RBM43: variants seen among roughly 807,000 people sequenced by gnomAD.
The protein encoded by RBM43 is RNA-binding protein 43.
Under a neutral mutation model 12.4 loss-of-function variants are expected in RBM43, and 12 were observed. That is an observed-to-expected ratio of 0.97 (90% CI 0.62 to 1.57). RBM43 has a LOEUF of 1.57. Ranked by LOEUF, RBM43 falls within the 40% of genes most tolerant of loss-of-function variation. The probability of loss-of-function intolerance (pLI) is 0.00; values close to 1 mark genes in which losing one functional copy is unlikely to be tolerated. For missense variants in RBM43, 348 were observed against 400.1 expected (o/e 0.87, Z 1.11); for synonymous variants, 138 against 145.7 (o/e 0.95, Z 0.38).
Position 151,249,369 on chromosome 2 carries a change from CTTTCTTTT to C in RBM43, c.*1529_*1536del, listed in dbSNP as rs1262503280. On this transcript the variant is annotated 3_prime_UTR_variant, in exon 4 of 4. Transcript: ENST00000331426. ...TAAAACTAAGAATGTTACTTGTGGTCTTTCTTTTTTTTTTTTTTTTTTTTTTGAGACGG... is the reference window on the plus strand; with the variant it reads ...TAAAACTAAGAATGTTACTTGTGGTCTTTTTTTTTTTTTTTTTTGAGACGG... The C allele has an allele frequency of 1.1e-4, 13 of 123,308 alleles. No individual in the cohort carries two copies. Among genetic ancestry groups the C allele is most frequent in the Admixed American group, 4.2e-4 (4 of 9,580 alleles). The allele number at this position is 123,308 out of a possible 1,614,324, so 7.6% of individuals were successfully genotyped here. A position where few individuals can be genotyped will look rare whatever the true frequency, so the allele number is the denominator to read the frequency against.
chr2:151,261,494 C>T (rs773908772), intron 1 of RBM43: 37 of 1,550,098 alleles, frequency 2.4e-5, no homozygotes, highest in Non-Finnish European at 2.9e-5. Flanking sequence ...ATTTCAGGAG[C>T]GCGCAATGCC....
intron 3 of RBM43, 40 bp downstream of exon 3, chr2:151,252,715 G>A (rs1209506739): frequency 1.9e-6 from 2 of 1,073,372 alleles, no homozygotes; most frequent in Non-Finnish European, 2.8e-6. Flanking sequence ...AAAGAAATGG[G>A]ATACAGGACT....
At chr2:151,259,758 TA>T in intron 1 of RBM43, among the ~76,000 whole-genome samples, 1 of 152,290 alleles carries the variant, frequency 6.6e-6, no homozygotes, top group Admixed American at 6.5e-5. Flanking sequence ...AAAAAAGGCA[TA>T]AAGAAAAACT....
At position 151,250,668 on chromosome 2, in the gene RBM43, C is replaced by A; in HGVS notation, c.*238G>T. The A allele has an allele frequency of 2.8e-6, 1 of 361,960 alleles. No individual in the cohort carries two copies. The highest frequency in any genetic ancestry group is 4.9e-6 in the Non-Finnish European group (1 of 202,544). 22.4% of individuals were successfully genotyped at this position (361,960 alleles called of 1,614,324 possible). A position where few individuals can be genotyped will look rare whatever the true frequency, so the allele number is the denominator to read the frequency against. On this transcript the variant is annotated 3_prime_UTR_variant, in exon 4 of 4. Coordinates refer to ENST00000331426, the MANE Select transcript of RBM43 (RefSeq NM_198557.3). ...ATTCCTTAGATATTATCTGTGTAATCAGATAGACTGGGCTAAGCCACAGCC... is the reference window on the plus strand; with the variant it reads ...ATTCCTTAGATATTATCTGTGTAATAAGATAGACTGGGCTAAGCCACAGCC...
At chr2:151,256,561 G>T (rs1180937004) in intron 1 of RBM43, among the ~76,000 whole-genome samples, 1 of 152,126 alleles carries the variant, frequency 6.6e-6, no homozygotes. Flanking sequence ...GCTCACACCT[G>T]TAATCCCAGC....
intron 1 of RBM43, among the ~76,000 whole-genome samples, chr2:151,258,464 G>C (rs1342334389): frequency 6.6e-6 from 1 of 152,018 alleles, no homozygotes; most frequent in East Asian, 1.9e-4. Flanking sequence ...GGGAGGTCAA[G>C]GTGGGCGGAT....
At chr2:151,257,808 G>A (rs999719952) in intron 1 of RBM43, among the ~76,000 whole-genome samples, 20 of 151,188 alleles carry the variant, frequency 1.3e-4, no homozygotes, top group African/African-American at 2.2e-4. Flanking sequence ...GGTGGCTCAC[G>A]CCTGTAATCC....
chr2:151,255,902 C>T (rs1682966272), intron 1 of RBM43, among the ~76,000 whole-genome samples, 159 bp from the exon 2 acceptor site: 1 of 152,184 alleles, frequency 6.6e-6, no homozygotes, highest in Admixed American at 6.5e-5. Flanking sequence ...ATCCTTGCCT[C>T]ACACCATATA....
In RBM43 at chr2:151,258,651, G is replaced by A. The variant is rs532038573; in HGVS notation, c.4-2908C>T. Reference sequence around the variant, plus strand: ...AGGAGATCGAGGCTGCAGTGAGCCAGGATGGCACCACTGCACTCCAGCCTG... The same window carrying A: ...AGGAGATCGAGGCTGCAGTGAGCCAAGATGGCACCACTGCACTCCAGCCTG... On this transcript the variant is annotated intron_variant, in intron 1 of 3. Coordinates refer to ENST00000331426, the MANE Select transcript of RBM43 (RefSeq NM_198557.3). Among the ~76,000 whole-genome samples the A allele has an allele frequency of 3.1e-3, 473 of 152,154 alleles. 3 individuals are homozygous for A. The highest frequency in any genetic ancestry group is 0.011 in the African/African-American group (453 of 41,508).
chr2:151,251,116 G>C lies in RBM43; in HGVS notation c.864C>G (p.Tyr288Ter). The change falls in exon 4 of 4, where the codon TAC (tyrosine) becomes TAG (stop). Residue 288 changes from tyrosine (Y) to a stop codon, truncating the protein, a stop_gained. Coordinates refer to ENST00000331426, the MANE Select transcript of RBM43 (RefSeq NM_198557.3). LOFTEE classifies it low-confidence loss of function (END_TRUNC). ...TAAATGTCTCTTTTCTAAGCTTTAA[G>C]TAAAGAGCATGTGACCATTCCTCAA... Reference protein sequence around the residue: ...ELIEEWSHALYLKLRKETFIL... With the variant: ...ELIEEWSHAL 1 of 1,613,362 alleles carries C rather than the reference G, an allele frequency of 6.2e-7. No homozygotes were observed.
intron 1 of RBM43, among the ~76,000 whole-genome samples, chr2:151,257,048 T>C (rs1682984121): frequency 6.6e-6 from 1 of 152,200 alleles, no homozygotes; most frequent in Non-Finnish European, 1.5e-5. Context: ...TTAAATGCTT[T>C]AATTTGTCCC....
rs1682894843 is a variant in RBM43 at position 151,251,075 on chromosome 2, T to C, written c.905A>G (p.Glu302Gly). 6.2e-7 allele frequency: 1 copy of C among 1,613,912 alleles called. No homozygotes were observed. The highest frequency in any genetic ancestry group is 1.3e-5 in the African/African-American group (1 of 74,922). The change falls in exon 4 of 4, where the codon GAA becomes GGA. Residue 302 changes from glutamate (E) to glycine (G), a missense_variant. By Grantham distance (98) the Glu-to-Gly change is moderately conservative. Transcript: ENST00000331426. ...TTTGATCATTCTTTTCTCTCTATTTTCCTTTCCTTCCAAAATAAATGTCTC... is the reference window on the plus strand; with the variant it reads ...TTTGATCATTCTTTTCTCTCTATTTCCCTTTCCTTCCAAAATAAATGTCTC... The part of the protein sequence containing the change: ...RKETFILEGK[E>G]NREKRMIKRA...
intron 2 of RBM43, among the ~76,000 whole-genome samples, chr2:151,253,073 G>A (rs1682926091): frequency 6.6e-6 from 1 of 151,954 alleles, no homozygotes; most frequent in African/African-American, 2.4e-5. Context: ...AGCACACAAG[G>A]TATTATATGC....
chr2:151,261,723 G>C lies in RBM43; in HGVS notation c.3+2C>G. The C allele has an allele frequency of 6.2e-7, 1 of 1,601,994 alleles. No individual in the cohort carries two copies. Among genetic ancestry groups the C allele is most frequent in the Non-Finnish European group, 8.5e-7 (1 of 1,174,710 alleles). Reference sequence around the variant, plus strand: ...GCAAAACCCAAAGCAAAAGCAACTTGCCATGGCGGAGGGGAGACGCGCCCT... The same window carrying C: ...GCAAAACCCAAAGCAAAAGCAACTTCCCATGGCGGAGGGGAGACGCGCCCT... On this transcript the variant is annotated splice_donor_variant, in intron 1 of 3. Coordinates refer to ENST00000331426, the MANE Select transcript of RBM43 (RefSeq NM_198557.3). LOFTEE classifies it high-confidence loss of function.
intron 1 of RBM43, among the ~76,000 whole-genome samples, chr2:151,257,433 TG>T (rs1682989846): frequency 6.6e-6 from 1 of 152,226 alleles, no homozygotes; most frequent in African/African-American, 2.4e-5. Flanking sequence ...GGCTCACACC[TG>T]TAATCCTAGC....
In RBM43 at chr2:151,255,648, G is replaced by A. The variant is rs767330587; in HGVS notation, c.99C>T (p.Ala33=). 4.3e-5 allele frequency: 70 copies of A among 1,613,038 alleles called. No homozygotes were observed. The highest frequency in any genetic ancestry group is 2.3e-4 in the Admixed American group (14 of 59,972). Residue 33 remains alanine, a synonymous_variant, in exon 2 of 4, where the codon GCC becomes GCT. Transcript: ENST00000331426. The part of the protein sequence containing the change: ...PVDLFSDQLL[A]VLVKSHFQDI... Reference sequence around the variant, plus strand: ...CTTGGAAGTGGCTCTTCACTAATACGGCCAATAATTGATCACTAAAAAGGT... The same window carrying A: ...CTTGGAAGTGGCTCTTCACTAATACAGCCAATAATTGATCACTAAAAAGGT...
rs575380677 is a variant in RBM43 at position 151,257,911 on chromosome 2, A to G, written c.4-2168T>C. Among the ~76,000 whole-genome samples, 5 of 152,062 alleles carry G rather than the reference A, an allele frequency of 3.3e-5. No homozygotes were observed. In the South Asian group the frequency reaches 1.0e-3, roughly 32 times the overall value. ...ATGGTGAAATGCCGTCTCTACTAAAAATACAAAAATTAGCTGGGTGTGGTG... is the reference window on the plus strand; with the variant it reads ...ATGGTGAAATGCCGTCTCTACTAAAGATACAAAAATTAGCTGGGTGTGGTG... On this transcript the variant is annotated intron_variant, in intron 1 of 3. Coordinates refer to ENST00000331426, the MANE Select transcript of RBM43 (RefSeq NM_198557.3).
At chr2:151,258,453 T>C (rs1007927869) in intron 1 of RBM43, among the ~76,000 whole-genome samples, 9 of 151,548 alleles carry the variant, frequency 5.9e-5, no homozygotes, top group African/African-American at 2.2e-4. Flanking sequence ...TCCAGCACTT[T>C]GGGAGGTCAA....
intron 1 of RBM43, among the ~76,000 whole-genome samples, chr2:151,260,125 C>T (rs936189495): frequency 6.7e-6 from 1 of 150,258 alleles, no homozygotes; most frequent in African/African-American, 2.5e-5. Context: ...CTCGGCCTCT[C>T]GAAGTCTTTT....
Sources: gnomAD v4.1 joint callset for allele counts (sites outside exome capture counted in the v4.1 genomes callset) on GRCh38, gnomAD v4.1.1 for gene constraint, MANE v1.5 for transcripts, NCBI Gene and HGNC (gene_info 2026-07-23, HGNC 2026-07-21) for gene names.